Variants in COL7A1 observed in about 807,000 individuals in gnomAD.
The protein encoded by COL7A1 is collagen alpha-1(VII) chain.
In COL7A1, 296 loss-of-function variants were observed where a neutral mutation model predicts 456.2. The ratio of observed to expected loss-of-function variants is 0.65; its 90% CI spans 0.59 to 0.71. The LOEUF (loss-of-function observed/expected upper bound fraction) is 0.71, where lower values mean the gene tolerates loss of function less well. COL7A1 is among the 30% of genes least tolerant of loss of function. COL7A1 has a pLI of 0.00. For missense variants in COL7A1, 3,441 were observed against 4,017.2 expected, an observed-to-expected ratio of 0.86 and a Z score of 3.88; for synonymous variants, 1,464 against 1,525.9, an observed-to-expected ratio of 0.96 and a Z score of 0.95.
At position 48,591,516 on chromosome 3, in the gene COL7A1, C is replaced by G. The variant is rs1453219022; in HGVS notation, c.1584G>C (p.Trp528Cys). Reference sequence around the variant, plus strand: ...ACTGGGTGGCACCAGGGACTGGGCTCCAGGACACTCGCACCCGCTGCCCGG... The same window carrying G: ...ACTGGGTGGCACCAGGGACTGGGCTGCAGGACACTCGCACCCGCTGCCCGG... Reference protein sequence around the residue: ...ELPGQRVRVSWSPVPGATQYR... With the variant: ...ELPGQRVRVSCSPVPGATQYR... Residue 528 changes from tryptophan to cysteine, a missense_variant, in exon 13 of 119, where the codon TGG becomes TGC. By Grantham distance (215) the Trp-to-Cys change is radical (BLOSUM62 -2). Transcript: ENST00000681320. The surrounding 1 kb of genome is among the most constrained non-coding windows in gnomAD (Gnocchi z 7.0). The G allele has an allele frequency of 6.2e-7, 1 of 1,614,014 alleles. No homozygotes were observed. The highest frequency in any genetic ancestry group is 1.1e-5 in the South Asian group (1 of 91,084).
rs1259265759 is a variant in COL7A1 at position 48,573,919 on chromosome 3, A to G, written c.6502-29T>C. On this transcript the variant is annotated intron_variant, in intron 80 of 118. Transcript: ENST00000681320. This position sits in a 1 kb window ranked among gnomAD's most constrained non-coding sequence, Gnocchi z 5.5. The stretch of plus-strand genomic sequence containing the variant: ...CATAGAGAGGGCACTGATGAGCCTC[A>G]ATCTGGGCCTCACTTGGGCCTGTTC... 4 of 1,612,088 alleles carry G rather than the reference A, an allele frequency of 2.5e-6. No homozygotes were observed. The highest frequency in any genetic ancestry group is 3.4e-6 in the Non-Finnish European group (4 of 1,179,664).
rs1187030597 is a variant in COL7A1 at position 48,572,552 on chromosome 3, T to C, written c.6901-14A>G. 6.2e-7 allele frequency: 1 copy of C among 1,613,488 alleles called. No individual in the cohort carries two copies. The highest frequency in any genetic ancestry group is 1.1e-5 in the South Asian group (1 of 91,072). On this transcript the variant is annotated splice_polypyrimidine_tract_variant and intron_variant, in intron 88 of 118. Coordinates refer to ENST00000681320, the MANE Select transcript of COL7A1 (RefSeq NM_000094.4). The surrounding 1 kb of genome is among the most constrained non-coding windows in gnomAD (Gnocchi z 4.6). Reference sequence around the variant, plus strand: ...CCCGACCACAGCCTGTGGGGAATGCTAGTGAGTTTCCTCCTCCTCCCCCGC... The same window carrying C: ...CCCGACCACAGCCTGTGGGGAATGCCAGTGAGTTTCCTCCTCCTCCCCCGC...
chr3:48,590,796 G>T lies in COL7A1; in HGVS notation c.1657C>A (p.Leu553Ile). The part of the protein sequence containing the change: ...STQGVERTLV[L>I]PGSQTAFDLD... ...TCGAATGCTGTCTGACTCCCAGGAA[G>T]CACCAGGGTCCGCTCAACCCCTAAG... The change falls in exon 14 of 119, where the codon CTT (leucine) becomes ATT (isoleucine). Residue 553 changes from leucine (L) to isoleucine (I), a missense_variant. Leu to Ile is a conservative substitution (Grantham distance 5). Around this residue, in one of 3 missense-constraint regions of COL7A1, gnomAD observed 913 missense variants for 1,088.2 expected, o/e 0.84. Coordinates refer to ENST00000681320, the MANE Select transcript of COL7A1 (RefSeq NM_000094.4). This position sits in a 1 kb window ranked among gnomAD's most constrained non-coding sequence, Gnocchi z 4.6. 1.2e-6 allele frequency: 2 copies of T among 1,613,726 alleles called. No individual in the cohort carries two copies. The highest frequency in any genetic ancestry group is 1.7e-6 in the Non-Finnish European group (2 of 1,180,022).
Position 48,594,500 on chromosome 3 carries a change from C to A in COL7A1, c.134G>T (p.Gly45Val). Residue 45 changes from glycine (G) to valine (V), a missense_variant, in exon 3 of 119, where the codon GGC (glycine) becomes GTC (valine). Gly to Val is a moderately radical substitution (Grantham distance 109). Transcript: ENST00000681320. The surrounding 1 kb of genome is among the most constrained non-coding windows in gnomAD (Gnocchi z 5.5). The part of the protein sequence containing the change: ...YAADIVFLLD[G>V]SSSIGRSNFR... ...ATTGCTGCGGCCAATGGATGAGGAG[C>A]CATCCAGTAAGAACACAATGTCAGC... The A allele has an allele frequency of 6.2e-7, 1 of 1,611,994 alleles. No individual in the cohort carries two copies. The highest frequency in any genetic ancestry group is 8.5e-7 in the Non-Finnish European group (1 of 1,179,950).
Position 48,570,956 on chromosome 3 carries a change from G to A in COL7A1, c.7177C>T (p.Leu2393Phe). Residue 2393 changes from leucine to phenylalanine, a missense_variant, in exon 95 of 119, where the codon CTC becomes TTC. Leu to Phe is a conservative substitution (Grantham distance 22). Coordinates refer to ENST00000681320, the MANE Select transcript of COL7A1 (RefSeq NM_000094.4). The surrounding 1 kb of genome is among the most constrained non-coding windows in gnomAD (Gnocchi z 5.5). ...CCAGGAGCACCGGGCAGGCCAGGGA[G>A]GCCCAGATCTCCCTGAAATAAAAAC... ...GPPGVKGDLG[L>F]PGLPGAPGVV... The A allele has an allele frequency of 6.2e-7, 1 of 1,613,572 alleles. No individual in the cohort carries two copies. Among genetic ancestry groups the A allele is most frequent in the Non-Finnish European group, 8.5e-7 (1 of 1,179,818 alleles).
At chr3:48,582,254 A>G (rs1575460261) in intron 47 of COL7A1, 69 bp downstream of exon 47, 1 of 1,610,710 alleles carries the variant, frequency 6.2e-7, no homozygotes, top group Non-Finnish European at 8.5e-7. Flanking sequence ...CAGCCCAGAT[A>G]GTGTTCTATA....
In COL7A1 at chr3:48,587,119, G is replaced by A. The variant is rs765033771; in HGVS notation, c.3140-11C>T. ...GGCCACGGGGGCACACTGTAGGAAG[G>A]GGAACAAGTTACTGAAGCGGGCAGC... On this transcript the variant is annotated splice_polypyrimidine_tract_variant and intron_variant, in intron 24 of 118. Coordinates refer to ENST00000681320, the MANE Select transcript of COL7A1 (RefSeq NM_000094.4). This position sits in a 1 kb window ranked among gnomAD's most constrained non-coding sequence, Gnocchi z 6.1. The A allele has an allele frequency of 6.2e-6, 10 of 1,613,256 alleles. No homozygotes were observed. The highest frequency in any genetic ancestry group is 1.7e-5 in the Admixed American group (1 of 59,914).
Position 48,573,140 on chromosome 3 carries a change from G to T in COL7A1, c.6714+34C>A. On this transcript the variant is annotated intron_variant, in intron 85 of 118. Coordinates refer to ENST00000681320, the MANE Select transcript of COL7A1 (RefSeq NM_000094.4). This position sits in a 1 kb window ranked among gnomAD's most constrained non-coding sequence, Gnocchi z 5.5. ...CATGGGCCCCAAGGAGTGAAAACAC[G>T]GTGTCCCTACAGGGGCCACAGGGAC... 6.2e-7 allele frequency: 1 copy of T among 1,613,860 alleles called. No individual in the cohort carries two copies. Among genetic ancestry groups the T allele is most frequent in the Non-Finnish European group, 8.5e-7 (1 of 1,179,822 alleles).
rs764849536 is a variant in COL7A1, at chr3:48,576,504, C to T, written c.5736+18G>A. The T allele has an allele frequency of 2.5e-6, 4 of 1,612,368 alleles. No individual in the cohort carries two copies. The highest frequency in any genetic ancestry group is 3.4e-6 in the Non-Finnish European group (4 of 1,179,486). On this transcript the variant is annotated intron_variant, in intron 69 of 118. Transcript: ENST00000681320. ...GTCAGCCCCCTCACCACGCCCCCTA[C>T]CCAACATCCGCACTCACCTTGGGGC... is the stretch of plus-strand genomic sequence containing the variant.
rs770439598 is a variant in COL7A1 at position 48,571,495 on chromosome 3, G to A, written c.7069-217C>T. ...GACGCTCAGATACTACCATAGACAG[G>A]TGGGAGTTCAGGCATGGCACAGGCA... On this transcript the variant is annotated intron_variant, in intron 92 of 118. Transcript: ENST00000681320. This position sits in a 1 kb window ranked among gnomAD's most constrained non-coding sequence, Gnocchi z 4.6. The A allele has an allele frequency of 6.9e-6, 5 of 724,070 alleles. No homozygotes were observed. The Admixed American group carries it at 1.0e-4, about 15-fold the overall frequency. The allele number at this position is 724,070 out of a possible 1,614,324, so 44.9% of individuals were successfully genotyped here.
In COL7A1 at chr3:48,575,454, C is replaced by T; in HGVS notation, c.6065G>A (p.Gly2022Glu). Residue 2022 changes from glycine to glutamate, a missense_variant, in exon 74 of 119, where the codon GGG becomes GAG. Physicochemically the swap from Gly to Glu is moderately conservative, Grantham distance 98. Transcript: ENST00000681320. The surrounding 1 kb of genome is among the most constrained non-coding windows in gnomAD (Gnocchi z 6.3). Reference sequence around the variant, plus strand: ...GGAAGGCCCGGGGGGGCCCCTCTCCCCAAGGGCCAGACCAGGTGGCCCCTG... The same window carrying T: ...GGAAGGCCCGGGGGGGCCCCTCTCCTCAAGGGCCAGACCAGGTGGCCCCTG... ...GPQGPPGLAL[G>E]ERGPPGPSGL... 1 of 1,611,196 alleles carries T rather than the reference C, an allele frequency of 6.2e-7. No homozygotes were observed. Among genetic ancestry groups the T allele is most frequent in the Non-Finnish European group, 8.5e-7 (1 of 1,179,460 alleles).
rs374283870 is a variant in COL7A1 at position 48,587,193 on chromosome 3, G to T, written c.3136C>A (p.Pro1046Thr). 1.4e-4 allele frequency: 220 copies of T among 1,613,590 alleles called. 2 individuals carry two copies. The South Asian group carries it at 2.1e-3, about 15-fold the overall frequency. ...RGPEASVTQT[P>T]VCPRGLADVV... ...CTTCCCACTACGCCCACTATACCTG[G>T]CGTCTGTGTGACAGATGCCTCAGGA... Residue 1046 changes from proline to threonine, a missense_variant, in exon 24 of 119, where the codon CCA (proline) becomes ACA (threonine). Transcript: ENST00000681320. This position sits in a 1 kb window ranked among gnomAD's most constrained non-coding sequence, Gnocchi z 6.1.
rs373105841 is a variant in COL7A1, at chr3:48,572,438, G to A, written c.6937-17C>T. ...AGGGGCTCCCTGGTAAGGGGGAGAGGTCAGTGGGATTCCTTGGCCCCCACC... is the reference window on the plus strand; with the variant it reads ...AGGGGCTCCCTGGTAAGGGGGAGAGATCAGTGGGATTCCTTGGCCCCCACC... On this transcript the variant is annotated splice_polypyrimidine_tract_variant and intron_variant, in intron 89 of 118. Transcript: ENST00000681320. The surrounding 1 kb of genome is among the most constrained non-coding windows in gnomAD (Gnocchi z 4.6). 3.5e-5 allele frequency: 57 copies of A among 1,614,050 alleles called. No individual in the cohort carries two copies. Among genetic ancestry groups the A allele is most frequent in the South Asian group, 7.7e-5 (7 of 91,082 alleles).
In COL7A1 at chr3:48,591,533, G is replaced by A. The variant is rs996046539; in HGVS notation, c.1567C>T (p.Arg523Trp). 11 of 1,613,934 alleles carry A rather than the reference G, an allele frequency of 6.8e-6. No homozygotes were observed. The Middle Eastern group carries it at 5.0e-4, about 73-fold the overall frequency. ...DLQATELPGQ[R>W]VRVSWSPVPG... ...ACTGGGCTCCAGGACACTCGCACCC[G>A]CTGCCCGGGCAGCTCGGTGGCTTGC... is the stretch of plus-strand genomic sequence containing the variant. The change falls in exon 13 of 119, where the codon CGG becomes TGG. Residue 523 changes from arginine to tryptophan, a missense_variant. Coordinates refer to ENST00000681320, the MANE Select transcript of COL7A1 (RefSeq NM_000094.4). The surrounding 1 kb of genome is among the most constrained non-coding windows in gnomAD (Gnocchi z 7.0).
At position 48,583,210 on chromosome 3, in the gene COL7A1, G is replaced by T; in HGVS notation, c.4438-39C>A. 6.2e-7 allele frequency: 1 copy of T among 1,610,150 alleles called. No individual in the cohort carries two copies. The highest frequency in any genetic ancestry group is 8.5e-7 in the Non-Finnish European group (1 of 1,177,880). On this transcript the variant is annotated intron_variant, in intron 42 of 118. Coordinates refer to ENST00000681320, the MANE Select transcript of COL7A1 (RefSeq NM_000094.4). The surrounding 1 kb of genome is among the most constrained non-coding windows in gnomAD (Gnocchi z 5.1). ...GTGAGAGAAAGACAGAGAGAGAGAG[G>T]GTTGGTGGCGGGGCTTGAACGTCAA... is the stretch of plus-strand genomic sequence containing the variant.
Position 48,573,519 on chromosome 3 carries a change from G to A in COL7A1, c.6612C>T (p.Gly2204=). The A allele has an allele frequency of 1.9e-6, 3 of 1,614,070 alleles. No individual in the cohort carries two copies. Among genetic ancestry groups the A allele is most frequent in the Non-Finnish European group, 2.5e-6 (3 of 1,180,010 alleles). Reference sequence around the variant, plus strand: ...TCCACACACCTAGACTCACCTTCAGGCCAGAAGGTCCTTGGGGTCCTGCAG... The same window carrying A: ...TCCACACACCTAGACTCACCTTCAGACCAGAAGGTCCTTGGGGTCCTGCAG... ...AGPAGPQGPS[G]LKGEPGETGP... is the part of the protein sequence containing the mutation. Residue 2204 remains glycine, a synonymous_variant, in exon 83 of 119, where the codon GGC becomes GGT. Transcript: ENST00000681320. The surrounding 1 kb of genome is among the most constrained non-coding windows in gnomAD (Gnocchi z 5.5).
At position 48,590,365 on chromosome 3, in the gene COL7A1, A is replaced by G. The variant is rs377478394; in HGVS notation, c.1907-9T>C. The G allele has an allele frequency of 4.1e-5, 66 of 1,613,964 alleles. No homozygotes were observed. Among genetic ancestry groups the G allele is most frequent in the Non-Finnish European group, 5.4e-5 (64 of 1,180,004 alleles). On this transcript the variant is annotated splice_polypyrimidine_tract_variant and intron_variant, in intron 15 of 118. Transcript: ENST00000681320. The surrounding 1 kb of genome is among the most constrained non-coding windows in gnomAD (Gnocchi z 4.6). ...CTGGCTGGACTCCGGACCTGAGGTC[A>G]GAGGGAAATGCTGGCATGGCTCCTG...
In COL7A1 at chr3:48,589,606, T is replaced by G; in HGVS notation, c.2163A>C (p.Ser721=). 1.9e-6 allele frequency: 3 copies of G among 1,609,582 alleles called. No individual in the cohort carries two copies. Among genetic ancestry groups the G allele is most frequent in the Non-Finnish European group, 2.5e-6 (3 of 1,178,948 alleles). The change falls in exon 17 of 119, where the codon TCA becomes TCC. Residue 721 remains serine (S), a synonymous_variant. Transcript: ENST00000681320. ...GATGYRVSWH[S]AHGPEKSQLV... ...CCAAACCCCAGTCCCCACCGTGGGC[T>G]GAGTGCCAGGAAACCCTGTATCCTG... is the stretch of plus-strand genomic sequence containing the variant.
In COL7A1 at chr3:48,571,028, A is replaced by G. The variant is rs2043884033; in HGVS notation, c.7165-60T>C. The G allele has an allele frequency of 1.9e-6, 3 of 1,611,752 alleles. No individual in the cohort carries two copies. In the Admixed American group the frequency reaches 5.0e-5, roughly 27 times the overall value. ...ATGCAGGACCCCTCCCAGGACTCTC[A>G]TCAGAACTCCCTCTTCCTCCTGTGG... On this transcript the variant is annotated intron_variant, in intron 94 of 118. Coordinates refer to ENST00000681320, the MANE Select transcript of COL7A1 (RefSeq NM_000094.4). This position sits in a 1 kb window ranked among gnomAD's most constrained non-coding sequence, Gnocchi z 4.6.
Sources: gnomAD v4.1 joint callset for allele counts on GRCh38, gnomAD v4.1.1 for gene constraint, gnomAD v4.1.1 regional missense constraint, Gnocchi (gnomAD v3.1) non-coding constraint, MANE v1.5 for transcripts, NCBI Gene and HGNC (gene_info 2026-07-23, HGNC 2026-07-21) for gene names.